Variants in PCYT2 observed in about 807,000 individuals in gnomAD.
PCYT2 encodes ethanolamine-phosphate cytidylyltransferase.
In PCYT2, 33 loss-of-function variants were observed where a neutral mutation model predicts 50.0. That is an observed-to-expected ratio of 0.66 (90% CI 0.50 to 0.88). The LOEUF is 0.88. Ranked by LOEUF, PCYT2 falls within the 40% of genes least tolerant of loss-of-function variation. The pLI, the probability that PCYT2 is intolerant of heterozygous loss-of-function variation, is 0.00. For missense variants in PCYT2, 430 were observed against 519.7 expected, an observed-to-expected ratio of 0.83 and a Z score of 1.68; for synonymous variants, 240 against 203.7, an observed-to-expected ratio of 1.18 and a Z score of -1.52.
At position 81,911,361 on chromosome 17, in the gene PCYT2, C is replaced by T; in HGVS notation, c.-6G>A. 6.6e-6 allele frequency: 7 copies of T among 1,055,524 alleles called. No individual in the cohort carries two copies. The highest frequency in any genetic ancestry group is 8.0e-6 in the Non-Finnish European group (7 of 875,282). The allele number at this position is 1,055,524 out of a possible 1,614,324, so 65.4% of individuals were successfully genotyped here. Reference sequence around the variant, plus strand: ...CCGCGCCCGTTCCGGATCATGGCCCCGCAGCGGCGGCGCGGACAGCCTGGC... The same window carrying T: ...CCGCGCCCGTTCCGGATCATGGCCCTGCAGCGGCGGCGCGGACAGCCTGGC... On this transcript the variant is annotated 5_prime_UTR_variant, in exon 1 of 13. Transcript: ENST00000538936.
In PCYT2 at chr17:81,904,600, G is replaced by A. The variant is rs948748341; in HGVS notation, c.*233C>T. The A allele has an allele frequency of 7.6e-5, 39 of 511,660 alleles. No homozygotes were observed. The Middle Eastern group carries it at 2.0e-3, about 27-fold the overall frequency. The allele number at this position is 511,660 out of a possible 1,614,324, so 31.7% of individuals were successfully genotyped here. ...TTCAGGCTGCAGGTGCCGTCTGCCC[G>A]TCTCACTTCCGGCCTCTCCACTGTG... is the stretch of plus-strand genomic sequence containing the variant. On this transcript the variant is annotated 3_prime_UTR_variant, in exon 13 of 13. Transcript: ENST00000538936.
rs2039956891 is a variant in PCYT2, at chr17:81,901,665, G to A, written c.*3168C>T. ...CCAAGGGGCAGAGCTGGCAGAGAGG[G>A]GCCTCCAATCGAAGGCCAGGAGTCG... is the stretch of plus-strand genomic sequence containing the variant. On this transcript the variant is annotated 3_prime_UTR_variant, in exon 13 of 13. Transcript: ENST00000538936. 1 of 152,262 alleles carries A rather than the reference G, an allele frequency of 6.6e-6. No homozygotes were observed. 9.4% of individuals were successfully genotyped at this position (152,262 alleles called of 1,614,324 possible).
intron 6 of PCYT2, chr17:81,907,305 C>T: frequency 6.8e-7 from 1 of 1,475,362 alleles, no homozygotes; most frequent in Non-Finnish European, 9.1e-7. Flanking sequence ...GCCACCTGTC[C>T]ACAGGCAAAT....
At chr17:81,905,229 AGAGG>A (rs2040189588) in intron 11 of PCYT2, 75 bp from the exon 12 acceptor site, 1 of 1,398,820 alleles carries the variant, frequency 7.1e-7, no homozygotes, top group African/African-American at 1.4e-5. Flanking sequence ...GCCCTGCCCC[AGAGG>A]GAGACCAGCG....
intron 3 of PCYT2, 36 bp downstream of exon 3, chr17:81,908,840 G>A (rs368947282): frequency 3.0e-5 from 47 of 1,581,706 alleles, no homozygotes; most frequent in Middle Eastern, 3.3e-4. Flanking sequence ...GCCACCTGAT[G>A]TCCCCAGGCC....
chr17:81,906,229 G>T (rs2040259059), intron 8 of PCYT2, 52 bp from the exon 9 acceptor site: 1 of 1,466,544 alleles, frequency 6.8e-7, no homozygotes, highest in East Asian at 2.4e-5. Flanking sequence ...GGGGGACAGG[G>T]TGTGCCCCTC....
chr17:81,910,806 G>A (rs1390575241), intron 1 of PCYT2: 1 of 808,144 alleles, frequency 1.2e-6, no homozygotes, highest in African/African-American at 1.9e-5. Flanking sequence ...ACTGGCCAGG[G>A]AAGACCGATC....
chr17:81,911,105 G>A (rs1001218522), intron 1 of PCYT2, 162 bp downstream of exon 1: 7 of 1,002,316 alleles, frequency 7.0e-6, no homozygotes, highest in South Asian at 4.6e-5. Flanking sequence ...TCTGCAGCCC[G>A]ACCCTCCCGG....
rs201264034 is a variant in PCYT2 at position 81,906,071 on chromosome 17, C to T, written c.837+29G>A. The T allele has an allele frequency of 1.7e-4, 274 of 1,589,304 alleles. 2 individuals carry two copies. The East Asian group carries it at 6.0e-3, about 35-fold the overall frequency. ...GGATGTTGTGGGAATGTCTCCCCAT[C>T]CTTGGGCTGGCTCCTGGCCCCCACT... On this transcript the variant is annotated intron_variant, in intron 9 of 12. Coordinates refer to ENST00000538936, the MANE Select transcript of PCYT2 (RefSeq NM_002861.5).
rs907552399 is a variant in PCYT2 at position 81,901,654 on chromosome 17, T to G, written c.*3179A>C. The G allele has an allele frequency of 1.3e-5, 2 of 152,278 alleles. No individual in the cohort carries two copies. Among genetic ancestry groups the G allele is most frequent in the Admixed American group, 6.5e-5 (1 of 15,290 alleles). The allele number at this position is 152,278 out of a possible 1,614,324, so 9.4% of individuals were successfully genotyped here. On this transcript the variant is annotated 3_prime_UTR_variant, in exon 13 of 13. Transcript: ENST00000538936. ...CCTGGTGCCCCCCAAGGGGCAGAGC[T>G]GGCAGAGAGGGGCCTCCAATCGAAG...
chr17:81,905,479 C>A (rs370250577), intron 10 of PCYT2, 32 bp from the exon 11 acceptor site: 7 of 1,555,638 alleles, frequency 4.5e-6, no homozygotes, highest in Non-Finnish European at 6.1e-6. Context: ...GAGCCCTCCC[C>A]GGGGAGGCAG....
In PCYT2 at chr17:81,902,497, C is replaced by A. The variant is rs1341445669; in HGVS notation, c.*2336G>T. On this transcript the variant is annotated 3_prime_UTR_variant, in exon 13 of 13. Transcript: ENST00000538936. The stretch of plus-strand genomic sequence containing the variant: ...GGGCGGGGCCGGCGCCTCCCCGGAG[C>A]TGCAACTGCACCCCAGGCTGCGGAG... 7.1e-7 allele frequency: 1 copy of A among 1,417,950 alleles called. No homozygotes were observed. 87.8% of individuals were successfully genotyped at this position (1,417,950 alleles called of 1,614,324 possible).
At chr17:81,909,059 G>A in intron 2 of PCYT2, 22 bp from the exon 3 acceptor site, 1 of 1,605,640 alleles carries the variant, frequency 6.2e-7, no homozygotes, top group Non-Finnish European at 8.5e-7. Flanking sequence ...ACAACGGGGA[G>A]ACTGGGGACC....
At chr17:81,909,425 G>A in intron 2 of PCYT2, 89 bp downstream of exon 2, 1 of 1,488,788 alleles carries the variant, frequency 6.7e-7, no homozygotes, top group Non-Finnish European at 9.2e-7. Context: ...CCCTGGCAAG[G>A]TGGCCCCAGG....
chr17:81,911,044 C>A (rs1386062210), intron 1 of PCYT2: 5 of 997,878 alleles, frequency 5.0e-6, no homozygotes, highest in Admixed American at 6.0e-5. Flanking sequence ...CGTGACCGGG[C>A]GGGGCCTCCG....
rs1044784347 is a variant in PCYT2, at chr17:81,903,955, C to G, written c.*878G>C. The G allele has an allele frequency of 6.6e-6, 1 of 152,272 alleles. No individual in the cohort carries two copies. Among genetic ancestry groups the G allele is most frequent in the African/African-American group, 2.4e-5 (1 of 41,460 alleles). The allele number at this position is 152,272 out of a possible 1,614,324, so 9.4% of individuals were successfully genotyped here. On this transcript the variant is annotated 3_prime_UTR_variant, in exon 13 of 13. Transcript: ENST00000538936. ...GAACCTCTTCGGCCTCTGGGCTGCT[C>G]CAGGCGGGCCGTGACAGGGGTGTGG...
chr17:81,904,903 T>C lies in PCYT2; in HGVS notation c.1100A>G (p.Glu367Gly). 1 of 1,612,828 alleles carries C rather than the reference T, an allele frequency of 6.2e-7. No homozygotes were observed. Among genetic ancestry groups the C allele is most frequent in the Non-Finnish European group, 8.5e-7 (1 of 1,179,756 alleles). The change falls in exon 13 of 13, where the codon GAG (glutamate) becomes GGG (glycine). Residue 367 changes from glutamate (E) to glycine (G), a missense_variant. Physicochemically the swap from Glu to Gly is moderately conservative, Grantham distance 98. Transcript: ENST00000538936. ...CCTGGCAGCCTCCAGGAAGGCCAGCTCCTTGGCTTCCTTCTTCTGGTTTCG... is the reference window on the plus strand; with the variant it reads ...CCTGGCAGCCTCCAGGAAGGCCAGCCCCTTGGCTTCCTTCTTCTGGTTTCG... ...EARNQKKEAKELAFLEAARQQ... is the reference protein window; with the variant it reads ...EARNQKKEAKGLAFLEAARQQ...
In PCYT2 at chr17:81,904,913, CCTT is replaced by C. The variant is rs2040159701; in HGVS notation, c.1087_1089del (p.Lys363del). The C allele has an allele frequency of 3.7e-6, 6 of 1,611,818 alleles. No individual in the cohort carries two copies. The highest frequency in any genetic ancestry group is 4.5e-5 in the East Asian group (2 of 44,784). On this transcript the variant is annotated inframe_deletion, in exon 13 of 13. Coordinates refer to ENST00000538936, the MANE Select transcript of PCYT2 (RefSeq NM_002861.5). ...TCCAGGAAGGCCAGCTCCTTGGCTTCCTTCTTCTGGTTTCGCGCCTCATACTCC... is the reference window on the plus strand; with the variant it reads ...TCCAGGAAGGCCAGCTCCTTGGCTTCCTTCTGGTTTCGCGCCTCATACTCC...
chr17:81,902,465 A>G lies in PCYT2; in HGVS notation c.*2368T>C, dbSNP rs1048393130. 39 of 1,388,608 alleles carry G rather than the reference A, an allele frequency of 2.8e-5. No individual in the cohort carries two copies. Among genetic ancestry groups the G allele is most frequent in the Non-Finnish European group, 3.6e-5 (39 of 1,080,640 alleles). 86.0% of individuals were successfully genotyped at this position (1,388,608 alleles called of 1,614,324 possible). ...CGCTCCCAGCCCTACAGAGGGGCGGAACCCCCGGGCGGGGCCGGCGCCTCC... is the reference window on the plus strand; with the variant it reads ...CGCTCCCAGCCCTACAGAGGGGCGGGACCCCCGGGCGGGGCCGGCGCCTCC... On this transcript the variant is annotated 3_prime_UTR_variant, in exon 13 of 13. Coordinates refer to ENST00000538936, the MANE Select transcript of PCYT2 (RefSeq NM_002861.5).
Sources: gnomAD v4.1 joint callset for allele counts on GRCh38, gnomAD v4.1.1 for gene constraint, MANE v1.5 for transcripts, NCBI Gene and HGNC (gene_info 2026-07-23, HGNC 2026-07-21) for gene names.